Variants in DNAH9 observed in about 807,000 individuals in gnomAD.
The protein encoded by DNAH9 is DNAH9 variant protein.
In DNAH9, 345 loss-of-function variants were observed where a neutral mutation model predicts 471.6. The ratio of observed to expected loss-of-function variants is 0.73; its 90% confidence interval spans 0.67 to 0.80. The LOEUF (loss-of-function observed/expected upper bound fraction) is 0.80, where lower values mean the gene tolerates loss of function less well. Among genes scored for constraint, DNAH9 ranks in the 30% least tolerant of loss-of-function variants. DNAH9 has a pLI of 0.00. For missense variants in DNAH9, 5,407 were observed against 5,609.2 expected (o/e 0.96, Z 1.15); for synonymous variants, 2,093 against 2,123.6 (o/e 0.99, Z 0.40).
chr17:11,766,747 G>C (rs1967955209), intron 36 of DNAH9, among the ~76,000 whole-genome samples: 2 of 152,170 alleles, frequency 1.3e-5, no homozygotes, highest in Admixed American at 1.3e-4. Context: ...GGTGGATCAT[G>C]AGGTCCGTAG....
At chr17:11,931,558 A>C (rs1345035564) in intron 63 of DNAH9, among the ~76,000 whole-genome samples, 1 of 151,996 alleles carries the variant, frequency 6.6e-6, no homozygotes, top group Admixed American at 6.6e-5. Flanking sequence ...CACATTCAGT[A>C]CCCCCTGTAC....
Position 11,881,328 on chromosome 17 carries a change from A to G in DNAH9, c.10721A>G (p.Asn3574Ser), listed in dbSNP as rs1403551626. ...CTGCAGGCTCAGGCCACCCTGATCA[A>G]CTTCACCGTGACCAGGGATGGCCTG... The part of the protein sequence containing the change: ...PELQAQATLI[N>S]FTVTRDGLED... The change falls in exon 55 of 69, where the codon AAC becomes AGC. Residue 3574 changes from asparagine (N) to serine (S), a missense_variant. By Grantham distance (46) the Asn-to-Ser change is conservative (BLOSUM62 1). Around this residue, in one of 3 missense-constraint regions of DNAH9, gnomAD observed 4,636 missense variants for 4,900.3 expected, o/e 0.95. Coordinates refer to ENST00000262442, the MANE Select transcript of DNAH9 (RefSeq NM_001372.4). 3 of 1,614,014 alleles carry G rather than the reference A, an allele frequency of 1.9e-6. No homozygotes were observed. The highest frequency in any genetic ancestry group is 1.3e-5 in the African/African-American group (1 of 75,002).
At chr17:11,832,851 C>T (rs992037278) in intron 48 of DNAH9, among the ~76,000 whole-genome samples, 14 of 152,086 alleles carry the variant, frequency 9.2e-5, no homozygotes, top group Non-Finnish European at 2.1e-4. Context: ...GTTTATGGGC[C>T]GTATTGCAAA....
intron 61 of DNAH9, among the ~76,000 whole-genome samples, chr17:11,917,404 G>A (rs573607610): frequency 5.3e-4 from 80 of 152,190 alleles, no homozygotes; most frequent in African/African-American, 1.8e-3. Context: ...TGATCCACCC[G>A]CCGCAGCCTC....
chr17:11,917,912 G>A (rs1168709826), intron 61 of DNAH9, among the ~76,000 whole-genome samples: 1 of 152,090 alleles, frequency 6.6e-6, no homozygotes, highest in Non-Finnish European at 1.5e-5. Flanking sequence ...TCACTTGTCT[G>A]CAGCATCATC....
chr17:11,849,096 A>G (rs1971322854), intron 49 of DNAH9, among the ~76,000 whole-genome samples: 1 of 152,190 alleles, frequency 6.6e-6, no homozygotes, highest in Admixed American at 6.5e-5. Flanking sequence ...TTGGCCTCCC[A>G]AAGTGCTGGC....
intron 26 of DNAH9, among the ~76,000 whole-genome samples, chr17:11,715,601 AAATC>A (rs1471956265): frequency 2.6e-4 from 39 of 152,300 alleles, no homozygotes; most frequent in African/African-American, 9.4e-4. Context: ...GAACCAAACT[AAATC>A]AATCCATATC....
Position 11,937,618 on chromosome 17 carries a change from C to T in DNAH9, c.12660+96C>T. The T allele has an allele frequency of 7.3e-7, 1 of 1,362,286 alleles. No individual in the cohort carries two copies. The highest frequency in any genetic ancestry group is 9.7e-7 in the Non-Finnish European group (1 of 1,026,918). 84.4% of individuals were successfully genotyped at this position (1,362,286 alleles called of 1,614,324 possible). A position where few individuals can be genotyped will look rare whatever the true frequency, so the allele number is the denominator to read the frequency against. ...TGCTGGCCATTTTGGCAGTACACAGCATAGACAACACACAAAGCACCAACC... is the reference window on the plus strand; with the variant it reads ...TGCTGGCCATTTTGGCAGTACACAGTATAGACAACACACAAAGCACCAACC... On this transcript the variant is annotated intron_variant, in intron 66 of 68. Transcript: ENST00000262442. The surrounding 1 kb of genome is among the most constrained non-coding windows in gnomAD (Gnocchi z 4.1).
intron 50 of DNAH9, among the ~76,000 whole-genome samples, chr17:11,860,791 C>G (rs1021768015): frequency 6.6e-6 from 1 of 152,072 alleles, no homozygotes; most frequent in Non-Finnish European, 1.5e-5. Context: ...GAACTCCCGA[C>G]CTCAGGTGAT....
chr17:11,780,119 T>C (rs1968613425), intron 38 of DNAH9, among the ~76,000 whole-genome samples: 1 of 152,232 alleles, frequency 6.6e-6, no homozygotes, highest in Non-Finnish European at 1.5e-5. Flanking sequence ...ACAAGTCCTG[T>C]CATGCTGGAA....
rs768106280 is a variant in DNAH9 at position 11,611,781 on chromosome 17, G to A, written c.904+1G>A. 1.2e-6 allele frequency: 2 copies of A among 1,614,022 alleles called. No individual in the cohort carries two copies. Among genetic ancestry groups the A allele is most frequent in the East Asian group, 2.2e-5 (1 of 44,896 alleles). On this transcript the variant is annotated splice_donor_variant, in intron 4 of 68. Coordinates refer to ENST00000262442, the MANE Select transcript of DNAH9 (RefSeq NM_001372.4). LOFTEE classifies it high-confidence loss of function. ...GCCATGTACAGAGATGTTGTTGCAG[G>A]TGAGGACCAGCAAGTGTTTTCACAA...
chr17:11,725,200 G>C (rs2075130950), intron 27 of DNAH9, among the ~76,000 whole-genome samples: 2 of 152,216 alleles, frequency 1.3e-5, no homozygotes, highest in African/African-American at 4.8e-5. Flanking sequence ...ACCATGGACA[G>C]TTGCCCAGAG....
chr17:11,701,037 C>T (rs1486454764), intron 23 of DNAH9, 85 bp from the exon 24 acceptor site: 3 of 1,444,018 alleles, frequency 2.1e-6, no homozygotes, highest in East Asian at 2.3e-5. Context: ...CTTTCCTTCA[C>T]TCCCTCAGAC....
chr17:11,889,409 TCTCATGAA>T (rs1291180957), intron 57 of DNAH9, among the ~76,000 whole-genome samples: 2 of 152,190 alleles, frequency 1.3e-5, no homozygotes, highest in African/African-American at 4.8e-5. Flanking sequence ...AATTATGGCT[TCTCATGAA>T]GGTTTGGAAG....
chr17:11,631,580 G>T (rs2073066978), intron 7 of DNAH9, among the ~76,000 whole-genome samples: 1 of 151,320 alleles, frequency 6.6e-6, no homozygotes, highest in South Asian at 2.1e-4. Context: ...GGCAGAGGTT[G>T]CAGTGAGCCA....
chr17:11,878,044 A>C (rs1165580287), intron 53 of DNAH9, among the ~76,000 whole-genome samples: 9 of 152,048 alleles, frequency 5.9e-5, no homozygotes, highest in African/African-American at 2.2e-4. Flanking sequence ...AATATGATAT[A>C]TTTTTATTTG....
intron 19 of DNAH9, among the ~76,000 whole-genome samples, chr17:11,684,836 C>G (rs533082461): frequency 5.3e-5 from 8 of 152,306 alleles, no homozygotes; most frequent in Admixed American, 5.2e-4. Context: ...GGGCTTTTGA[C>G]CTTCTTGCAC....
intron 22 of DNAH9, among the ~76,000 whole-genome samples, chr17:11,695,251 G>C (rs1469937472): frequency 2.0e-5 from 3 of 152,092 alleles, no homozygotes; most frequent in Admixed American, 6.5e-5. Flanking sequence ...CCCATCAGAG[G>C]CTAATCTCTA....
At chr17:11,642,687 G>A (rs1038662040) in intron 10 of DNAH9, among the ~76,000 whole-genome samples, 4 of 152,124 alleles carry the variant, frequency 2.6e-5, no homozygotes, top group Non-Finnish European at 5.9e-5. Context: ...AGACCCACTC[G>A]GCCACACGCC....
Sources: allele counts gnomAD v4.1 joint callset (sites outside exome capture counted in the v4.1 genomes callset), GRCh38; gene constraint gnomAD v4.1.1; regional missense constraint gnomAD v4.1.1; non-coding constraint Gnocchi (gnomAD v3.1); transcripts MANE v1.5; gene names NCBI Gene and HGNC (gene_info 2026-07-23, HGNC 2026-07-21).